Variants in KSR1 observed in about 807,000 individuals in gnomAD.
KSR1 encodes the protein kinase suppressor of ras.
KSR1 carries 35 observed loss-of-function variants against 92.9 expected under a neutral mutation model. The observed-to-expected ratio is 0.38, with a 90% CI of 0.29 to 0.50. The LOEUF (loss-of-function observed/expected upper bound fraction) is 0.50, where lower values mean the gene tolerates loss of function less well. KSR1 is among the 20% of genes least tolerant of loss of function. The pLI is 0.94. For synonymous variants in KSR1, 467 were observed against 472.6 expected, an observed-to-expected ratio of 0.99 and a Z score of 0.15; for missense variants, 972 against 1,158.5, an observed-to-expected ratio of 0.84 and a Z score of 2.34.
At chr17:27,510,756 G>T (rs955487039) in intron 1 of KSR1, among the ~76,000 whole-genome samples, 6 of 152,326 alleles carry the variant, frequency 3.9e-5, no homozygotes, top group African/African-American at 1.4e-4. Flanking sequence ...AGCCTACCAA[G>T]AATGCTTATC....
intron 1 of KSR1, among the ~76,000 whole-genome samples, chr17:27,525,119 A>C (rs2070208343): frequency 6.6e-6 from 1 of 152,198 alleles, no homozygotes; most frequent in Non-Finnish European, 1.5e-5. Context: ...CCACTTATTT[A>C]ATATGAAACT....
chr17:27,514,490 C>T (rs1597920673), intron 1 of KSR1, among the ~76,000 whole-genome samples: 1 of 152,230 alleles, frequency 6.6e-6, no homozygotes, highest in East Asian at 1.9e-4. Context: ...GAAACCCCGT[C>T]TCTATTAAAA....
chr17:27,598,539 C>T (rs570226952), intron 10 of KSR1, among the ~76,000 whole-genome samples: 6 of 152,312 alleles, frequency 3.9e-5, no homozygotes, highest in Admixed American at 3.9e-4. Flanking sequence ...GACATTCACG[C>T]GTTGTCCTGA....
intron 9 of KSR1, among the ~76,000 whole-genome samples, chr17:27,596,353 C>T (rs559862700): frequency 7.2e-5 from 11 of 152,314 alleles, no homozygotes; most frequent in African/African-American, 2.6e-4. Flanking sequence ...TCCTCCCTGG[C>T]GCAGCATCCT....
At chr17:27,525,747 T>G (rs1019736954) in intron 1 of KSR1, among the ~76,000 whole-genome samples, 2 of 152,228 alleles carry the variant, frequency 1.3e-5, no homozygotes, top group African/African-American at 4.8e-5. Context: ...CAGCTGACCT[T>G]GGTGTTCCTG....
intron 19 of KSR1, chr17:27,620,942 T>C: frequency 2.9e-6 from 1 of 350,568 alleles, no homozygotes; most frequent in East Asian, 4.2e-5. Context: ...CCTGAATGAG[T>C]CTGTGTCAAA....
chr17:27,503,778 C>T (rs2069275631), intron 1 of KSR1, among the ~76,000 whole-genome samples: 1 of 152,154 alleles, frequency 6.6e-6, no homozygotes, highest in African/African-American at 2.4e-5. Context: ...TTCCTTCCTC[C>T]TACCCTCTCG....
intron 2 of KSR1, among the ~76,000 whole-genome samples, chr17:27,567,284 A>G (rs964734394): frequency 1.3e-5 from 2 of 152,116 alleles, no homozygotes; most frequent in African/African-American, 4.8e-5. Context: ...CTTCTTTTCA[A>G]AAAGAAGAAA....
chr17:27,554,454 G>A (rs890225487), intron 2 of KSR1, among the ~76,000 whole-genome samples: 3 of 152,146 alleles, frequency 2.0e-5, no homozygotes, highest in Admixed American at 6.5e-5. Context: ...CCTGAGTTCC[G>A]CCAGCTGTCA....
intron 2 of KSR1, among the ~76,000 whole-genome samples, chr17:27,563,691 C>T (rs568926017): frequency 6.6e-6 from 1 of 152,344 alleles, no homozygotes; most frequent in Admixed American, 6.5e-5. Context: ...TGCCTTTCTG[C>T]ACTCTGCCAC....
chr17:27,578,001 T>C (rs1598065603), intron 3 of KSR1: 1 of 379,604 alleles, frequency 2.6e-6, no homozygotes, highest in South Asian at 2.1e-5. Context: ...CCTGTCCCCA[T>C]TGCTGGCTGG....
chr17:27,536,962 G>A (rs903951181), intron 1 of KSR1, among the ~76,000 whole-genome samples: 3 of 152,216 alleles, frequency 2.0e-5, no homozygotes, highest in Non-Finnish European at 2.9e-5. Context: ...ATCTGCTGTG[G>A]TTGTCTACAC....
At chr17:27,516,214 G>A (rs572164734) in intron 1 of KSR1, among the ~76,000 whole-genome samples, 16 of 152,338 alleles carry the variant, frequency 1.1e-4, no homozygotes, top group Admixed American at 4.6e-4. Flanking sequence ...AAGAGCAATC[G>A]TAATGATTGC....
Position 27,590,210 on chromosome 17 carries a change from T to C in KSR1, c.1047-601T>C, listed in dbSNP as rs562781789. Among the ~76,000 whole-genome samples, 3 of 152,374 alleles carry C rather than the reference T, an allele frequency of 2.0e-5. No homozygotes were observed. In the East Asian group the frequency reaches 5.8e-4, roughly 29 times the overall value. On this transcript the variant is annotated intron_variant, in intron 6 of 20. Coordinates refer to ENST00000644974, the MANE Select transcript of KSR1 (RefSeq NM_001394583.1). ...ATTCACTTCTATTGTCATAGCTTAG[T>C]TTTTTTCCTGTACTTGAACTTCGTG...
intron 17 of KSR1, among the ~76,000 whole-genome samples, chr17:27,610,457 G>A (rs909488181): frequency 6.6e-6 from 1 of 152,216 alleles, no homozygotes; most frequent in South Asian, 2.1e-4. Flanking sequence ...ACTAAATCAG[G>A]TAATTGTGTG....
chr17:27,609,449 G>A (rs749545196), intron 16 of KSR1, 120 bp downstream of exon 16: 8 of 1,315,204 alleles, frequency 6.1e-6, no homozygotes, highest in Non-Finnish European at 8.5e-6. Flanking sequence ...GGGAAGCCCA[G>A]GTCGCTTTGG....
chr17:27,554,328 A>C (rs954347733), intron 2 of KSR1, among the ~76,000 whole-genome samples: 35 of 152,156 alleles, frequency 2.3e-4, no homozygotes, highest in Non-Finnish European at 5.9e-5. Context: ...GTCATCTAAA[A>C]CAGGGGACCC....
intron 1 of KSR1, among the ~76,000 whole-genome samples, chr17:27,480,193 C>T (rs2068470350): frequency 6.6e-6 from 1 of 152,100 alleles, no homozygotes; most frequent in Non-Finnish European, 1.5e-5. Context: ...CCCCTAGATG[C>T]CCCCAGGCCT....
chr17:27,527,819 T>G (rs1005003556), intron 1 of KSR1, among the ~76,000 whole-genome samples: 2 of 152,208 alleles, frequency 1.3e-5, no homozygotes, highest in Non-Finnish European at 2.9e-5. Context: ...TTTCATAGTT[T>G]CTTGATTTTA....
Sources: gnomAD v4.1 joint callset for allele counts (sites outside exome capture counted in the v4.1 genomes callset) on GRCh38, gnomAD v4.1.1 for gene constraint, MANE v1.5 for transcripts, NCBI Gene and HGNC (gene_info 2026-07-23, HGNC 2026-07-21) for gene names.